Variants in SUN1 observed in about 807,000 individuals in gnomAD.
The protein encoded by SUN1 is Sad1 and UNC84 domain containing 1.
Under a neutral mutation model 103.2 loss-of-function variants are expected in SUN1, and 61 were observed. That is an observed-to-expected ratio of 0.59 (90% CI 0.48 to 0.73). The LOEUF (loss-of-function observed/expected upper bound fraction) is 0.73. SUN1 is among the 30% of genes least tolerant of loss of function. The probability of loss-of-function intolerance (pLI) is 0.00; values close to 1 mark genes in which losing one functional copy is unlikely to be tolerated. For synonymous variants in SUN1, 490 were observed against 425.7 expected (o/e 1.15, Z -1.86); for missense variants, 1,052 against 1,034.6 (o/e 1.02, Z -0.23).
chr7:842,093 T>C lies in SUN1; in HGVS notation c.414T>C (p.Ser138=). Residue 138 remains serine (S), a synonymous_variant, in exon 3 of 19, where the codon TCT becomes TCC. Transcript: ENST00000401592. ...VTRRPPVLDE[S]WIREQTTVDH... ...GACGGCCTCCTGTATTGGACGAGTC[T>C]TGGATTCGTGAACAGACCACAGTGG... 6.2e-7 allele frequency: 1 copy of C among 1,614,220 alleles called. No individual in the cohort carries two copies. The highest frequency in any genetic ancestry group is 8.5e-7 in the Non-Finnish European group (1 of 1,180,034).
chr7:867,296 G>A (rs1420120162), intron 16 of SUN1, among the ~76,000 whole-genome samples: 2 of 152,258 alleles, frequency 1.3e-5, no homozygotes, highest in East Asian at 3.8e-4. Flanking sequence ...ACAGCCCTGC[G>A]CTTGGCATGC....
intron 13 of SUN1, among the ~76,000 whole-genome samples, 199 bp from the exon 14 acceptor site, chr7:859,929 C>T (rs572231108): frequency 1.3e-5 from 2 of 152,260 alleles, no homozygotes; most frequent in South Asian, 4.1e-4. Context: ...CACGAGCTCA[C>T]CTATTTCTGT....
At position 873,350 on chromosome 7, in the gene SUN1, T is replaced by G. The variant is rs1218699947; in HGVS notation, c.*19T>G. On this transcript the variant is annotated 3_prime_UTR_variant, in exon 19 of 19. Coordinates refer to ENST00000401592, the MANE Select transcript of SUN1 (RefSeq NM_001130965.3). ...CAAGTGAAGACACTACTCATTATTT[T>G]TGTACATTTTTGTATATACTGGGAC... 4 of 1,598,484 alleles carry G rather than the reference T, an allele frequency of 2.5e-6. No homozygotes were observed. The South Asian group carries it at 3.3e-5, about 13-fold the overall frequency.
chr7:848,378 T>C, intron 5 of SUN1: 1 of 1,335,476 alleles, frequency 7.5e-7, no homozygotes, highest in Non-Finnish European at 9.9e-7. Flanking sequence ...GATATTGGCT[T>C]TATGGGAAGA....
chr7:870,318 T>C (rs980365814), intron 17 of SUN1, among the ~76,000 whole-genome samples: 4 of 151,626 alleles, frequency 2.6e-5, no homozygotes, highest in African/African-American at 4.8e-5. Context: ...GGCCAGGCGC[T>C]GTGGCTCATG....
upstream of SUN1, among the ~76,000 whole-genome samples, chr7:828,935 A>G (rs1795382349): frequency 6.6e-6 from 1 of 152,228 alleles, no homozygotes; most frequent in Non-Finnish European, 1.5e-5. Flanking sequence ...AGCATCCTGC[A>G]CAAAGCTGGG....
upstream of SUN1, chr7:832,090 A>G: frequency 2.0e-6 from 2 of 996,030 alleles, no homozygotes; most frequent in Non-Finnish European, 2.4e-6. Context: ...CTGCTTGACC[A>G]CGCTGTAGCA....
At position 872,540 on chromosome 7, in the gene SUN1, C is replaced by T; in HGVS notation, c.2219C>T (p.Ser740Leu). 4 of 1,595,182 alleles carry T rather than the reference C, an allele frequency of 2.5e-6. No individual in the cohort carries two copies. Among genetic ancestry groups the T allele is most frequent in the Non-Finnish European group, 3.4e-6 (4 of 1,170,494 alleles). Reference sequence around the variant, plus strand: ...TTCACGTATGATCAGGATGGGGAGTCGCTCCAGATGTTCCAGGCCCTGGTA... The same window carrying T: ...TTCACGTATGATCAGGATGGGGAGTTGCTCCAGATGTTCCAGGCCCTGGTA... ...GQFTYDQDGE[S>L]LQMFQALKRP... The change falls in exon 18 of 19, where the codon TCG (serine) becomes TTG (leucine). Residue 740 changes from serine (S) to leucine (L), a missense_variant. Transcript: ENST00000401592.
chr7:832,051 G>C (rs1738507784), upstream of SUN1: 12 of 988,764 alleles, frequency 1.2e-5, no homozygotes, highest in South Asian at 5.6e-4. Context: ...GCTTGTGAGA[G>C]CTTCAGCCAT....
At chr7:821,250 A>C (rs949366880) in intron 1 of SUN1, among the ~76,000 whole-genome samples, 1 of 141,174 alleles carries the variant, frequency 7.1e-6, no homozygotes, top group Non-Finnish European at 1.5e-5. Context: ...GCTCACTGCA[A>C]CCTCTGCCTC....
chr7:853,156 G>A, intron 9 of SUN1: 2 of 791,102 alleles, frequency 2.5e-6, no homozygotes, highest in Non-Finnish European at 3.9e-6. Flanking sequence ...GATTCAGTTA[G>A]TTTTAATTTT....
intron 1 of SUN1, among the ~76,000 whole-genome samples, chr7:826,727 C>G (rs1278293256): frequency 6.6e-6 from 1 of 152,212 alleles, no homozygotes; most frequent in African/African-American, 2.4e-5. Context: ...CTGCGTCTCA[C>G]TGGGCTCCCT....
chr7:854,343 T>C lies in SUN1; in HGVS notation c.1264-577T>C, dbSNP rs183916443. ...CAGCCCCCGAGCCTCTAGCTCACGT[T>C]TGCGTCTGCACTGCCTAGTGGAGGA... On this transcript the variant is annotated intron_variant, in intron 10 of 18. Transcript: ENST00000401592. Among the ~76,000 whole-genome samples, 426 of 152,358 alleles carry C rather than the reference T, an allele frequency of 2.8e-3. 3 individuals are homozygous for C. The highest frequency in any genetic ancestry group is 9.2e-3 in the African/African-American group (381 of 41,594).
chr7:855,752 C>T (rs1584963708), intron 11 of SUN1, among the ~76,000 whole-genome samples: 1 of 152,152 alleles, frequency 6.6e-6, no homozygotes, highest in Non-Finnish European at 1.5e-5. Context: ...GGGGCGCCTC[C>T]TCCTGTGTCC....
chr7:853,064 T>C (rs1823764278), intron 9 of SUN1, 112 bp downstream of exon 9: 1 of 1,381,538 alleles, frequency 7.2e-7, no homozygotes, highest in Non-Finnish European at 9.6e-7. Flanking sequence ...GTAAGAAGTA[T>C]TTTTAAATGT....
At chr7:868,835 G>A (rs28471681) in intron 16 of SUN1, 3 of 84,070 alleles carry the variant, frequency 3.6e-5, no homozygotes, top group Non-Finnish European at 6.5e-5. Flanking sequence ...TTGGTCGGAT[G>A]GGGGGGCAGT....
upstream of SUN1, chr7:816,289 A>T (rs553864996): frequency 1.3e-5 from 1 of 74,824 alleles, no homozygotes; most frequent in African/African-American, 1.3e-4. Flanking sequence ...AACCCCCCCC[A>T]GCAGGTGCAG....
intron 1 of SUN1, among the ~76,000 whole-genome samples, chr7:826,253 G>GAA (rs1269902272): frequency 7.9e-5 from 12 of 152,314 alleles, no homozygotes; most frequent in Admixed American, 7.2e-4. Context: ...AAGAAAGAAA[G>GAA]AACAAAGAAA....
At chr7:859,346 T>A (rs1830363619) in intron 13 of SUN1, among the ~76,000 whole-genome samples, 1 of 152,148 alleles carries the variant, frequency 6.6e-6, no homozygotes, top group Non-Finnish European at 1.5e-5. Context: ...AACTACGGCC[T>A]CTGGGGGAAA....
Sources: gnomAD v4.1 joint callset for allele counts (sites outside exome capture counted in the v4.1 genomes callset) on GRCh38, gnomAD v4.1.1 for gene constraint, MANE v1.5 for transcripts, NCBI Gene and HGNC (gene_info 2026-07-23, HGNC 2026-07-21) for gene names.